The following MAP2K6 variants were observed in gnomAD, a reference collection of about 807,000 sequenced individuals.
MAP2K6 encodes dual specificity mitogen-activated protein kinase kinase 6.
In MAP2K6, 16 loss-of-function variants were observed where a neutral mutation model predicts 53.7. The observed-to-expected ratio is 0.30, with a 90% CI of 0.20 to 0.45. The LOEUF is 0.45. Ranked by LOEUF, MAP2K6 falls within the 20% of genes least tolerant of loss-of-function variation. MAP2K6 has a pLI of 1.00. For missense variants in MAP2K6, 204 were observed against 411.9 expected (o/e 0.50, Z 4.37); for synonymous variants, 132 against 143.1 (o/e 0.92, Z 0.55).
At chr17:69,481,413 C>T (rs1908347453) in intron 1 of MAP2K6, among the ~76,000 whole-genome samples, 1 of 152,116 alleles carries the variant, frequency 6.6e-6, no homozygotes, top group South Asian at 2.1e-4. Context: ...TGTCAGTGGA[C>T]ACTTGGGTTG....
Position 69,520,536 on chromosome 17 carries a change from G to A in MAP2K6, c.483+150G>A, listed in dbSNP as rs958704505. The A allele has an allele frequency of 1.6e-5, 10 of 621,482 alleles. No individual in the cohort carries two copies. In the East Asian group the frequency reaches 2.7e-4, roughly 17 times the overall value. 38.5% of individuals were successfully genotyped at this position (621,482 alleles called of 1,614,324 possible). The stretch of plus-strand genomic sequence containing the variant: ...TTTATTGGTGGATGGATAAATACAT[G>A]CTTTCCTTTCTGAGCACTGTGTAGA... On this transcript the variant is annotated intron_variant, in intron 6 of 11. Coordinates refer to ENST00000590474, the MANE Select transcript of MAP2K6 (RefSeq NM_002758.4).
chr17:69,471,641 T>C (rs975679479), intron 1 of MAP2K6, among the ~76,000 whole-genome samples: 2 of 152,030 alleles, frequency 1.3e-5, no homozygotes, highest in Non-Finnish European at 2.9e-5. Context: ...TGTAACAAAC[T>C]AGCACGTGTA....
chr17:69,446,980 T>C (rs1392637866), intron 1 of MAP2K6, among the ~76,000 whole-genome samples: 4 of 148,908 alleles, frequency 2.7e-5, no homozygotes, highest in African/African-American at 7.4e-5. Context: ...CTGTTTCTTT[T>C]TTTTTTTTTT....
chr17:69,462,923 T>C (rs577057408), intron 1 of MAP2K6, among the ~76,000 whole-genome samples: 5 of 148,110 alleles, frequency 3.4e-5, no homozygotes, highest in African/African-American at 7.4e-5. Flanking sequence ...TGAAACCCCA[T>C]GTGAAAGAGG....
intron 1 of MAP2K6, chr17:69,501,739 G>C (rs377018612): frequency 1.3e-5 from 2 of 152,024 alleles, no homozygotes; most frequent in Non-Finnish European, 2.9e-5. Flanking sequence ...GGCTTGTTGC[G>C]ATCTGCAGAA....
intron 11 of MAP2K6, among the ~76,000 whole-genome samples, chr17:69,539,605 A>G (rs1317171806): frequency 1.3e-5 from 2 of 151,676 alleles, no homozygotes; most frequent in African/African-American, 2.4e-5. Context: ...ATGCCTAGCG[A>G]TTTTCTTTTT....
At chr17:69,440,990 A>ATGTGTGTG (rs536825559) in intron 1 of MAP2K6, among the ~76,000 whole-genome samples, 1 of 151,282 alleles carries the variant, frequency 6.6e-6, no homozygotes, top group Non-Finnish European at 1.5e-5. Flanking sequence ...GTGTGTATAT[A>ATGTGTGTG]TGTGTGTGTG....
At chr17:69,456,890 A>C (rs1273012851) in intron 1 of MAP2K6, among the ~76,000 whole-genome samples, 2 of 152,186 alleles carry the variant, frequency 1.3e-5, no homozygotes, top group Non-Finnish European at 2.9e-5. Flanking sequence ...TCCGTTTTAA[A>C]GTTGTCCCTG....
At chr17:69,474,462 C>T (rs980075860) in intron 1 of MAP2K6, among the ~76,000 whole-genome samples, 4 of 152,172 alleles carry the variant, frequency 2.6e-5, no homozygotes, top group Admixed American at 1.3e-4. Context: ...AGATTCCATG[C>T]GTTCATCTCT....
At chr17:69,536,038 C>A in intron 10 of MAP2K6, 77 bp from the exon 11 acceptor site, 1 of 928,386 alleles carries the variant, frequency 1.1e-6, no homozygotes, top group South Asian at 1.3e-5. Context: ...GTTTAGTGTT[C>A]TACAGGTTCT....
At chr17:69,417,111 C>A (rs539489068) in intron 1 of MAP2K6, among the ~76,000 whole-genome samples, 1 of 151,928 alleles carries the variant, frequency 6.6e-6, no homozygotes. Context: ...GGTTCTTGTC[C>A]GAAAGGAAAA....
intron 2 of MAP2K6, among the ~76,000 whole-genome samples, chr17:69,507,532 C>T (rs545287375): frequency 9.2e-5 from 14 of 152,296 alleles, no homozygotes; most frequent in Non-Finnish European, 1.5e-5. Context: ...AATCTGTTCT[C>T]CTTTGCCATT....
At chr17:69,533,801 T>G (rs1911215826) in intron 10 of MAP2K6, among the ~76,000 whole-genome samples, 1 of 151,874 alleles carries the variant, frequency 6.6e-6, no homozygotes. Flanking sequence ...TCACATTGCT[T>G]CTTCTGTGTT....
intron 1 of MAP2K6, among the ~76,000 whole-genome samples, chr17:69,458,537 G>A (rs1240309801): frequency 6.6e-6 from 1 of 152,108 alleles, no homozygotes; most frequent in African/African-American, 2.4e-5. Context: ...CCCCAAAACC[G>A]TGGACTGAAG....
chr17:69,483,239 A>C (rs1908411942), intron 1 of MAP2K6, among the ~76,000 whole-genome samples: 1 of 152,024 alleles, frequency 6.6e-6, no homozygotes, highest in Non-Finnish European at 1.5e-5. Context: ...TAGCACTTAC[A>C]AGCAAGTTCA....
chr17:69,518,274 A>C (rs181028140), intron 4 of MAP2K6, among the ~76,000 whole-genome samples: 1 of 152,218 alleles, frequency 6.6e-6, no homozygotes, highest in East Asian at 1.9e-4. Flanking sequence ...TGATCATCTC[A>C]AAGTGTGTGT....
At chr17:69,419,696 G>A (rs1266256127) in intron 1 of MAP2K6, among the ~76,000 whole-genome samples, 1 of 152,114 alleles carries the variant, frequency 6.6e-6, no homozygotes, top group East Asian at 1.9e-4. Flanking sequence ...GGAGGCCGAG[G>A]CAAGTGGATC....
At chr17:69,467,784 T>C (rs1175993966) in intron 1 of MAP2K6, among the ~76,000 whole-genome samples, 1 of 152,160 alleles carries the variant, frequency 6.6e-6, no homozygotes, top group Non-Finnish European at 1.5e-5. Context: ...TTCGTGTTTT[T>C]TTTTTGTTAG....
chr17:69,439,802 G>A (rs541714819), intron 1 of MAP2K6, among the ~76,000 whole-genome samples: 7 of 152,230 alleles, frequency 4.6e-5, no homozygotes, highest in Admixed American at 3.3e-4. Context: ...AGGCCAGCTC[G>A]TCTTCTAGCT....
Sources: allele counts gnomAD v4.1 joint callset (sites outside exome capture counted in the v4.1 genomes callset), GRCh38; gene constraint gnomAD v4.1.1; transcripts MANE v1.5; gene names NCBI Gene and HGNC (gene_info 2026-07-23, HGNC 2026-07-21).